RPL39L: variants seen among roughly 807,000 people sequenced by gnomAD.
The protein encoded by RPL39L is ribosomal protein eL39-like 2.
For missense variants in RPL39L, 48 were observed against 58.9 expected, an observed-to-expected ratio of 0.81 and a Z score of 0.61; for synonymous variants, 16 against 20.1, an observed-to-expected ratio of 0.80 and a Z score of 0.55.
chr3:187,137,245 C>T (rs1046443903), intron 1 of RPL39L, among the ~76,000 whole-genome samples: 1 of 146,076 alleles, frequency 6.8e-6, no homozygotes, highest in African/African-American at 2.5e-5. Context: ...CAGTGGCTCA[C>T]ACCTGTAATC....
At chr3:187,129,501 T>C (rs541867587) in intron 1 of RPL39L, among the ~76,000 whole-genome samples, 17 of 152,306 alleles carry the variant, frequency 1.1e-4, no homozygotes, top group Admixed American at 2.6e-4. Flanking sequence ...CTCCTCCTCA[T>C]TGACAACAAT....
At chr3:187,125,368 G>T (rs916064273) in intron 2 of RPL39L, among the ~76,000 whole-genome samples, 2 of 152,110 alleles carry the variant, frequency 1.3e-5, no homozygotes, top group African/African-American at 4.8e-5. Flanking sequence ...ATCAACTAAG[G>T]GTTGGTTGGA....
chr3:187,136,666 G>T (rs768905832), intron 1 of RPL39L, among the ~76,000 whole-genome samples: 3 of 152,058 alleles, frequency 2.0e-5, no homozygotes, highest in Non-Finnish European at 2.9e-5. Flanking sequence ...TGGGTGGTGG[G>T]GAAGGCAGTT....
chr3:187,132,026 C>T (rs1039284068), intron 1 of RPL39L, among the ~76,000 whole-genome samples: 4 of 152,118 alleles, frequency 2.6e-5, no homozygotes, highest in African/African-American at 9.7e-5. Context: ...CACATGATAA[C>T]GCTTTCGTCG....
intron 1 of RPL39L, among the ~76,000 whole-genome samples, chr3:187,138,623 G>C (rs1720628112): frequency 6.6e-6 from 1 of 152,196 alleles, no homozygotes; most frequent in East Asian, 1.9e-4. Context: ...CTCACATCCT[G>C]GGTAATTCTA....
intron 1 of RPL39L, among the ~76,000 whole-genome samples, chr3:187,133,309 C>T (rs908134569): frequency 6.6e-6 from 1 of 152,040 alleles, no homozygotes; most frequent in African/African-American, 2.4e-5. Flanking sequence ...GTGGTTTCCC[C>T]CGTGCTGTTC....
chr3:187,126,796 C>T (rs1720404341), intron 2 of RPL39L, among the ~76,000 whole-genome samples: 1 of 152,148 alleles, frequency 6.6e-6, no homozygotes, highest in African/African-American at 2.4e-5. Flanking sequence ...TTTCAGAGTA[C>T]AGGGGAGATT....
intron 1 of RPL39L, among the ~76,000 whole-genome samples, chr3:187,134,483 T>TAAAAAAAAGAAAAA (rs1720539115): frequency 4.3e-5 from 4 of 93,426 alleles, no homozygotes; most frequent in African/African-American, 1.7e-4. Context: ...GCCTGACTGA[T>TAAAAAAAAGAAAAA]AAAAAAAAAA....
chr3:187,128,330 TAC>T (rs1468460325), intron 1 of RPL39L, among the ~76,000 whole-genome samples: 3 of 152,190 alleles, frequency 2.0e-5, no homozygotes, highest in Admixed American at 1.3e-4. Context: ...GTGGGATGTG[TAC>T]ACCTGTTTCT....
chr3:187,134,978 T>C (rs1720549606), intron 1 of RPL39L, among the ~76,000 whole-genome samples: 2 of 152,276 alleles, frequency 1.3e-5, no homozygotes, highest in African/African-American at 4.8e-5. Flanking sequence ...GAGTGACCTT[T>C]GCATGTTGGG....
intron 1 of RPL39L, among the ~76,000 whole-genome samples, chr3:187,138,700 C>A (rs1006118099): frequency 3.3e-5 from 5 of 152,152 alleles, no homozygotes; most frequent in African/African-American, 1.2e-4. Flanking sequence ...CCCTTTAAGG[C>A]TACTTTATTG....
At chr3:187,125,693 C>A (rs1185112531) in intron 2 of RPL39L, among the ~76,000 whole-genome samples, 1 of 151,958 alleles carries the variant, frequency 6.6e-6, no homozygotes, top group African/African-American at 2.4e-5. Context: ...ACTATATAAA[C>A]CCCTAACTTT....
At chr3:187,138,354 T>C (rs1368815247) in intron 1 of RPL39L, among the ~76,000 whole-genome samples, 2 of 152,278 alleles carry the variant, frequency 1.3e-5, no homozygotes, top group Admixed American at 1.3e-4. Flanking sequence ...TGGGACCCTT[T>C]TGAAGCTAGT....
intron 1 of RPL39L, among the ~76,000 whole-genome samples, chr3:187,132,865 G>C (rs141284082): frequency 1.6e-4 from 25 of 152,116 alleles, no homozygotes; most frequent in Non-Finnish European, 2.9e-4. Context: ...TGGAACAACT[G>C]GTCACCCCAC....
In RPL39L at chr3:187,130,154, C is replaced by T. The variant is rs183985770; in HGVS notation, c.-92-2092G>A. Among the ~76,000 whole-genome samples, 409 of 152,336 alleles carry T rather than the reference C, an allele frequency of 2.7e-3. 1 individual carries two copies. In the Middle Eastern group the frequency reaches 0.027, roughly 10 times the overall value. ...CCTGTCTTTCCTATGTATCCTCTTA[C>T]AAGAACCAGTCTTGGGATTTGTGAG... On this transcript the variant is annotated intron_variant, in intron 1 of 2. Coordinates refer to ENST00000296277, the MANE Select transcript of RPL39L (RefSeq NM_052969.3).
chr3:187,131,301 C>T (rs1477432720), intron 1 of RPL39L, among the ~76,000 whole-genome samples: 1 of 151,904 alleles, frequency 6.6e-6, no homozygotes, highest in Non-Finnish European at 1.5e-5. Flanking sequence ...CATCACCTGC[C>T]TGATTTTGGG....
rs573176626 is a variant in RPL39L, at chr3:187,131,895, T to A, written c.-92-3833A>T. On this transcript the variant is annotated intron_variant, in intron 1 of 2. Transcript: ENST00000296277. ...AGTTTTAAGATTTCTGTGTTGATTC[T>A]GCTGTACTAATGTCACTATCTTGAC... Among the ~76,000 whole-genome samples, 114 of 152,354 alleles carry A rather than the reference T, an allele frequency of 7.5e-4. 1 individual carries two copies. The highest frequency in any genetic ancestry group is 2.6e-3 in the African/African-American group (110 of 41,578).
intron 2 of RPL39L, among the ~76,000 whole-genome samples, chr3:187,124,933 A>C (rs771589239): frequency 2.8e-4 from 43 of 152,228 alleles, no homozygotes; most frequent in Non-Finnish European, 4.9e-4. Flanking sequence ...CAGTTGACTG[A>C]GCAACCTCAG....
chr3:187,134,964 G>A (rs1421588577), intron 1 of RPL39L, among the ~76,000 whole-genome samples: 2 of 152,226 alleles, frequency 1.3e-5, no homozygotes, highest in Admixed American at 1.3e-4. Flanking sequence ...GCTGTTGCAC[G>A]TAAGAGTGAC....
Sources: gnomAD v4.1 joint callset for allele counts (sites outside exome capture counted in the v4.1 genomes callset) on GRCh38, gnomAD v4.1.1 for gene constraint, MANE v1.5 for transcripts, NCBI Gene and HGNC (gene_info 2026-07-23, HGNC 2026-07-21) for gene names.